ZFAND3: variants seen among roughly 807,000 people sequenced by gnomAD.
ZFAND3 encodes AN1-type zinc finger protein 3.
ZFAND3 carries 10 observed loss-of-function variants against 29.6 expected under a neutral mutation model. The observed-to-expected ratio is 0.34, with a 90% CI of 0.21 to 0.57. The LOEUF is 0.57. Ranked by LOEUF, ZFAND3 falls within the 20% of genes least tolerant of loss-of-function variation. The pLI, the probability that ZFAND3 is intolerant of heterozygous loss-of-function variation, is 0.86. For missense variants in ZFAND3, 230 were observed against 304.5 expected (o/e 0.76, Z 1.82); for synonymous variants, 128 against 112.6 (o/e 1.14, Z -0.87).
At chr6:38,103,344 GTA>G (rs778779092) in intron 4 of ZFAND3, among the ~76,000 whole-genome samples, 747 of 55,806 alleles carry the variant, frequency 0.013, 7 homozygotes, top group African/African-American at 0.04. Flanking sequence ...GTGTGTGTGT[GTA>G]TGTATATATA....
Position 38,153,453 on chromosome 6 carries a change from G to C in ZFAND3, c.*1064G>C. Reference sequence around the variant, plus strand: ...CAGCCCCATAGTCCAAGGACACCCAGTCCACATCTACCATATAGCAAGTTT... The same window carrying C: ...CAGCCCCATAGTCCAAGGACACCCACTCCACATCTACCATATAGCAAGTTT... On this transcript the variant is annotated 3_prime_UTR_variant, in exon 6 of 6. Coordinates refer to ENST00000287218, the MANE Select transcript of ZFAND3 (RefSeq NM_021943.3). 1 of 985,552 alleles carries C rather than the reference G, an allele frequency of 1.0e-6. No individual in the cohort carries two copies. The highest frequency in any genetic ancestry group is 1.2e-6 in the Non-Finnish European group (1 of 830,056). 61.1% of individuals were successfully genotyped at this position (985,552 alleles called of 1,614,324 possible).
intron 1 of ZFAND3, among the ~76,000 whole-genome samples, chr6:37,929,618 T>C (rs548528248): frequency 3.9e-5 from 6 of 152,308 alleles, no homozygotes; most frequent in African/African-American, 1.2e-4. Context: ...GTGGTTTAAA[T>C]TGACTCCCAT....
At chr6:38,053,438 C>G (rs1764069593) in intron 2 of ZFAND3, among the ~76,000 whole-genome samples, 1 of 151,992 alleles carries the variant, frequency 6.6e-6, no homozygotes, top group Non-Finnish European at 1.5e-5. Context: ...AATCCCAGCA[C>G]TTTGGAAAGC....
chr6:38,012,942 C>T (rs1227846731), intron 2 of ZFAND3, among the ~76,000 whole-genome samples: 1 of 152,144 alleles, frequency 6.6e-6, no homozygotes, highest in Admixed American at 6.5e-5. Context: ...AGAGGAATAA[C>T]TTCAGTAAGG....
At chr6:38,119,892 C>T (rs1310145997) in intron 5 of ZFAND3, among the ~76,000 whole-genome samples, 2 of 152,218 alleles carry the variant, frequency 1.3e-5, no homozygotes, top group Non-Finnish European at 2.9e-5. Flanking sequence ...ATTGCCAAGA[C>T]ACTTCATGGG....
At chr6:37,957,254 G>C (rs1353807131) in intron 2 of ZFAND3, among the ~76,000 whole-genome samples, 1 of 151,744 alleles carries the variant, frequency 6.6e-6, no homozygotes, top group Non-Finnish European at 1.5e-5. Flanking sequence ...GCCAATTCTA[G>C]TTGAAACATT....
intron 1 of ZFAND3, among the ~76,000 whole-genome samples, chr6:37,923,883 A>G (rs1561935780): frequency 6.6e-6 from 1 of 152,244 alleles, no homozygotes; most frequent in Non-Finnish European, 1.5e-5. Flanking sequence ...CCATACAACA[A>G]CCAATACTGT....
intron 3 of ZFAND3, among the ~76,000 whole-genome samples, chr6:38,075,086 GT>G (rs1360003713): frequency 6.6e-6 from 1 of 152,200 alleles, no homozygotes; most frequent in Non-Finnish European, 1.5e-5. Context: ...GGAAATTTAT[GT>G]TTCCATGCCT....
chr6:37,893,795 C>T (rs1476286169), intron 1 of ZFAND3, among the ~76,000 whole-genome samples: 2 of 152,080 alleles, frequency 1.3e-5, no homozygotes, highest in Non-Finnish European at 2.9e-5. Context: ...CTCAGGTGAT[C>T]CACCTGCCTT....
chr6:38,075,107 G>A (rs527981730), intron 3 of ZFAND3, among the ~76,000 whole-genome samples: 75 of 152,302 alleles, frequency 4.9e-4, no homozygotes, highest in Admixed American at 1.8e-3. Context: ...TGGTAACACA[G>A]CATTGATTCT....
intron 4 of ZFAND3, among the ~76,000 whole-genome samples, chr6:38,086,043 GT>G: frequency 6.6e-6 from 1 of 152,224 alleles, no homozygotes; most frequent in African/African-American, 2.4e-5. Context: ...GTGTAGAGTG[GT>G]TGGTCTACAA....
At chr6:38,054,274 G>A (rs1347392876) in intron 2 of ZFAND3, among the ~76,000 whole-genome samples, 1 of 149,304 alleles carries the variant, frequency 6.7e-6, no homozygotes, top group African/African-American at 2.5e-5. Flanking sequence ...TGCACCTATA[G>A]TCCCAGCTAC....
intron 3 of ZFAND3, among the ~76,000 whole-genome samples, chr6:38,063,070 G>T (rs367748927): frequency 3.3e-5 from 5 of 152,146 alleles, no homozygotes; most frequent in Non-Finnish European, 1.5e-5. Context: ...AGCCTTGTGA[G>T]ACCTGGCCTT....
At chr6:38,089,216 G>A (rs969133102) in intron 4 of ZFAND3, among the ~76,000 whole-genome samples, 4 of 151,934 alleles carry the variant, frequency 2.6e-5, no homozygotes, top group Admixed American at 6.6e-5. Context: ...TCTGTCTCCC[G>A]GGTTCAAGTT....
At chr6:37,823,993 AT>A (rs1164409850) in intron 1 of ZFAND3, among the ~76,000 whole-genome samples, 1 of 152,060 alleles carries the variant, frequency 6.6e-6, no homozygotes, top group Non-Finnish European at 1.5e-5. Context: ...GGAGACTGTT[AT>A]CGAACTCCCG....
chr6:38,082,778 G>A (rs1280315491), intron 4 of ZFAND3, among the ~76,000 whole-genome samples: 5 of 152,050 alleles, frequency 3.3e-5, no homozygotes, highest in Non-Finnish European at 5.9e-5. Flanking sequence ...CTAATCTGAG[G>A]GCCAAGATTG....
intron 1 of ZFAND3, among the ~76,000 whole-genome samples, chr6:37,912,206 G>T (rs1478626947): frequency 6.6e-6 from 1 of 152,034 alleles, no homozygotes; most frequent in Non-Finnish European, 1.5e-5. Context: ...TGAGGAGGGG[G>T]ACCATGCACT....
intron 1 of ZFAND3, among the ~76,000 whole-genome samples, chr6:37,906,549 G>C (rs1435518367): frequency 6.6e-6 from 1 of 152,032 alleles, no homozygotes; most frequent in East Asian, 1.9e-4. Context: ...GTATACACGT[G>C]GGTGTGGAAT....
intron 2 of ZFAND3, among the ~76,000 whole-genome samples, chr6:37,971,485 A>G (rs1403693003): frequency 6.6e-6 from 1 of 152,196 alleles, no homozygotes; most frequent in Non-Finnish European, 1.5e-5. Flanking sequence ...GAGGTTGCCA[A>G]GTTCTTCTAC....
Sources: allele counts gnomAD v4.1 joint callset (sites outside exome capture counted in the v4.1 genomes callset), GRCh38; gene constraint gnomAD v4.1.1; transcripts MANE v1.5; gene names NCBI Gene and HGNC (gene_info 2026-07-23, HGNC 2026-07-21).